MACROD2: variants seen among roughly 807,000 people sequenced by gnomAD.
The protein encoded by MACROD2 is ADP-ribose glycohydrolase MACROD2.
Under a neutral mutation model 70.4 loss-of-function variants are expected in MACROD2, and 36 were observed. That is an observed-to-expected ratio of 0.51 (90% CI 0.39 to 0.68). The LOEUF (loss-of-function observed/expected upper bound fraction) is 0.68, where lower values mean the gene tolerates loss of function less well. Ranked by LOEUF, MACROD2 falls within the 30% of genes least tolerant of loss-of-function variation. MACROD2 has a pLI of 0.00. For synonymous variants in MACROD2, 172 were observed against 178.8 expected (o/e 0.96, Z 0.30); for missense variants, 496 against 538.4 (o/e 0.92, Z 0.78).
chr20:15,960,558 G>A (rs562481494), intron 12 of MACROD2, among the ~76,000 whole-genome samples: 1 of 152,302 alleles, frequency 6.6e-6, no homozygotes, highest in South Asian at 2.1e-4. Context: ...GGAAGCACAG[G>A]TGAGGTGTGA....
At chr20:15,398,070 G>C (rs2045882922) in intron 6 of MACROD2, among the ~76,000 whole-genome samples, 1 of 152,034 alleles carries the variant, frequency 6.6e-6, no homozygotes, top group Non-Finnish European at 1.5e-5. Flanking sequence ...CAACAAGAAG[G>C]CTGAATATTC....
intron 7 of MACROD2, among the ~76,000 whole-genome samples, chr20:15,474,917 G>A (rs998297016): frequency 7.9e-5 from 12 of 152,006 alleles, no homozygotes; most frequent in Non-Finnish European, 1.2e-4. Context: ...CGTTGTACTC[G>A]GAGGCAGGAT....
intron 5 of MACROD2, among the ~76,000 whole-genome samples, chr20:14,773,644 T>C (rs1187340245): frequency 6.6e-6 from 1 of 152,116 alleles, no homozygotes; most frequent in Non-Finnish European, 1.5e-5. Context: ...CACATTTGCC[T>C]CTTTCATCAC....
chr20:14,392,041 T>C (rs2083532593), intron 3 of MACROD2, among the ~76,000 whole-genome samples: 1 of 151,768 alleles, frequency 6.6e-6, no homozygotes, highest in Non-Finnish European at 1.5e-5. Flanking sequence ...TTTTTCAAAG[T>C]AAAAATAACC....
chr20:14,365,392 TTATA>T (rs2083262578), intron 3 of MACROD2, among the ~76,000 whole-genome samples: 1 of 151,200 alleles, frequency 6.6e-6, no homozygotes, highest in Non-Finnish European at 1.5e-5. Flanking sequence ...TTATAAATAA[TTATA>T]TAATAATATT....
chr20:14,669,834 C>G (rs2070775127), intron 4 of MACROD2, among the ~76,000 whole-genome samples: 1 of 151,998 alleles, frequency 6.6e-6, no homozygotes, highest in African/African-American at 2.4e-5. Flanking sequence ...AGGGCACAAT[C>G]TGTGCCTTGC....
At chr20:15,280,102 G>C (rs892289791) in intron 6 of MACROD2, among the ~76,000 whole-genome samples, 1 of 152,196 alleles carries the variant, frequency 6.6e-6, no homozygotes, top group African/African-American at 2.4e-5. Context: ...AAATGTGTCA[G>C]TGTTAACTAC....
intron 5 of MACROD2, among the ~76,000 whole-genome samples, chr20:15,196,309 A>G (rs2076606237): frequency 6.6e-6 from 1 of 152,202 alleles, no homozygotes; most frequent in Non-Finnish European, 1.5e-5. Context: ...AAAATATAAC[A>G]TACAAATATA....
At position 14,109,708 on chromosome 20, in the gene MACROD2, A is replaced by G. The variant is rs539549987; in HGVS notation, c.271+23980A>G. Among the ~76,000 whole-genome samples the G allele has an allele frequency of 3.4e-3, 511 of 152,074 alleles. 5 individuals carry two copies. The highest frequency in any genetic ancestry group is 0.012 in the African/African-American group (484 of 41,556). On this transcript the variant is annotated intron_variant, in intron 3 of 17. Transcript: ENST00000684519. The stretch of plus-strand genomic sequence containing the variant: ...TGAAAATTGAACCATGAAGAAACCC[A>G]GAACCTGAACAGATCAATAACACAT...
intron 9 of MACROD2, among the ~76,000 whole-genome samples, chr20:15,878,851 T>TACCCAAAACTTGTTATTC (rs2064712949): frequency 6.6e-6 from 1 of 152,180 alleles, no homozygotes; most frequent in African/African-American, 2.4e-5. Context: ...AGCTAGCTTT[T>TACCCAAAACTTGTTATTC]ACCCAAAACT....
chr20:14,278,498 A>G (rs1239409531), intron 3 of MACROD2, among the ~76,000 whole-genome samples: 1 of 152,232 alleles, frequency 6.6e-6, no homozygotes, highest in Non-Finnish European at 1.5e-5. Flanking sequence ...GAGAATAATA[A>G]TAATATTTGC....
At chr20:14,970,002 A>T (rs958992174) in intron 5 of MACROD2, among the ~76,000 whole-genome samples, 3 of 151,498 alleles carry the variant, frequency 2.0e-5, no homozygotes, top group Non-Finnish European at 4.4e-5. Context: ...TGTAATATAT[A>T]GTTGTATTAG....
chr20:15,201,204 G>A (rs2076653057), intron 5 of MACROD2, among the ~76,000 whole-genome samples: 1 of 152,116 alleles, frequency 6.6e-6, no homozygotes. Context: ...TGTCTAGAAG[G>A]AAACTGGGTT....
chr20:15,889,028 A>T (rs568865313), intron 10 of MACROD2, among the ~76,000 whole-genome samples: 1 of 152,184 alleles, frequency 6.6e-6, no homozygotes, highest in Non-Finnish European at 1.5e-5. Flanking sequence ...GGGCTACTTG[A>T]GTGAATCAAC....
intron 3 of MACROD2, among the ~76,000 whole-genome samples, chr20:14,381,448 T>A (rs557501394): frequency 6.6e-6 from 1 of 152,296 alleles, no homozygotes; most frequent in South Asian, 2.1e-4. Flanking sequence ...AGGTCCTGTG[T>A]TAGAGTAGTT....
At chr20:15,067,718 C>T (rs1199178149) in intron 5 of MACROD2, among the ~76,000 whole-genome samples, 1 of 152,060 alleles carries the variant, frequency 6.6e-6, no homozygotes, top group African/African-American at 2.4e-5. Context: ...ATGGCATACA[C>T]ATTGTATGTA....
At chr20:15,705,112 T>C (rs556552036) in intron 8 of MACROD2, among the ~76,000 whole-genome samples, 75 of 152,226 alleles carry the variant, frequency 4.9e-4, no homozygotes, top group Non-Finnish European at 8.5e-4. Flanking sequence ...AAAATACCTT[T>C]CTATTATAAA....
chr20:15,005,785 T>A (rs1393565042), intron 5 of MACROD2, among the ~76,000 whole-genome samples: 1 of 152,122 alleles, frequency 6.6e-6, no homozygotes, highest in Non-Finnish European at 1.5e-5. Context: ...CTACCAAACG[T>A]TTATTCTTTA....
At chr20:14,999,051 A>G (rs1330296814) in intron 5 of MACROD2, among the ~76,000 whole-genome samples, 2 of 152,224 alleles carry the variant, frequency 1.3e-5, no homozygotes, top group Non-Finnish European at 2.9e-5. Flanking sequence ...ATATCCTTCA[A>G]ACATGAAGGA....
Sources: gnomAD v4.1 joint callset for allele counts (sites outside exome capture counted in the v4.1 genomes callset) on GRCh38, gnomAD v4.1.1 for gene constraint, MANE v1.5 for transcripts, NCBI Gene and HGNC (gene_info 2026-07-23, HGNC 2026-07-21) for gene names.